Variants in PTPRM observed in about 807,000 individuals in gnomAD.
PTPRM encodes the protein protein tyrosine phosphatase receptor type M, also known as receptor-type tyrosine-protein phosphatase mu.
Under a neutral mutation model 186.7 loss-of-function variants are expected in PTPRM, and 47 were observed. That is an observed-to-expected ratio of 0.25 (90% CI 0.20 to 0.32). PTPRM has a LOEUF of 0.32. Among genes scored for constraint, PTPRM ranks in the 10% least tolerant of loss-of-function variants. The probability of loss-of-function intolerance (pLI) is 1.00; values close to 1 mark genes in which losing one functional copy is unlikely to be tolerated. For synonymous variants in PTPRM, 668 were observed against 674.9 expected (o/e 0.99, Z 0.16); for missense variants, 1,494 against 1,865.0 (o/e 0.80, Z 3.66).
At chr18:7,998,145 A>G (rs2083652325) in intron 7 of PTPRM, among the ~76,000 whole-genome samples, 1 of 152,202 alleles carries the variant, frequency 6.6e-6, no homozygotes, top group African/African-American at 2.4e-5. Context: ...GTGTCCATCA[A>G]TGGATGAATG....
intron 14 of PTPRM, among the ~76,000 whole-genome samples, chr18:8,231,713 C>T (rs2094288946): frequency 2.0e-5 from 3 of 152,144 alleles, no homozygotes; most frequent in South Asian, 2.1e-4. Flanking sequence ...TTCTACTTTA[C>T]AGTTTTTGAG....
intron 22 of PTPRM, among the ~76,000 whole-genome samples, chr18:8,330,188 A>G (rs971060768): frequency 1.3e-5 from 2 of 152,092 alleles, no homozygotes; most frequent in Admixed American, 6.6e-5. Context: ...CCCTAGAACC[A>G]CTTTTCCAGA....
At chr18:8,264,403 C>T (rs1164896284) in intron 19 of PTPRM, among the ~76,000 whole-genome samples, 1 of 152,028 alleles carries the variant, frequency 6.6e-6, no homozygotes, top group Non-Finnish European at 1.5e-5. Flanking sequence ...ATAAGTCTTG[C>T]TTGGCTGCTA....
chr18:8,054,011 G>C (rs1253618777), intron 7 of PTPRM, among the ~76,000 whole-genome samples: 1 of 151,918 alleles, frequency 6.6e-6, no homozygotes, highest in African/African-American at 2.4e-5. Context: ...TGCTATTTTT[G>C]TATAACTTGT....
intron 14 of PTPRM, among the ~76,000 whole-genome samples, chr18:8,195,345 A>G (rs2146761956): frequency 6.6e-6 from 1 of 152,092 alleles, no homozygotes; most frequent in Middle Eastern, 3.4e-3. Context: ...AACTGTTAGG[A>G]TGGATGTGTG....
At chr18:7,579,522 G>A (rs1391046310) in intron 1 of PTPRM, among the ~76,000 whole-genome samples, 4 of 152,208 alleles carry the variant, frequency 2.6e-5, no homozygotes, top group Non-Finnish European at 5.9e-5. Flanking sequence ...AGGCTTTTCA[G>A]CATTAGAAGA....
intron 1 of PTPRM, among the ~76,000 whole-genome samples, chr18:7,636,629 G>A (rs1462098888): frequency 6.6e-6 from 1 of 152,148 alleles, no homozygotes; most frequent in Non-Finnish European, 1.5e-5. Context: ...ATGGCTGTCA[G>A]TACAGGACAG....
At chr18:8,244,877 A>G (rs12965296) in intron 15 of PTPRM, among the ~76,000 whole-genome samples, 62,538 of 151,884 alleles carry the variant, frequency 0.41, 13,370 homozygotes, top group Middle Eastern at 0.54. Context: ...GAGATACCTC[A>G]CTCTGTGGTT....
At chr18:8,361,278 G>C (rs1180709752) in intron 23 of PTPRM, among the ~76,000 whole-genome samples, 1 of 152,162 alleles carries the variant, frequency 6.6e-6, no homozygotes, top group Non-Finnish European at 1.5e-5. Context: ...ATTAAAGCTT[G>C]TTATCTTCCT....
chr18:8,380,527 A>G, intron 29 of PTPRM, 100 bp downstream of exon 29: 2 of 1,395,316 alleles, frequency 1.4e-6, no homozygotes, highest in South Asian at 1.3e-5. Context: ...CCCTAGTGCC[A>G]GATCTCAAGT....
rs2044420029 is a variant in PTPRM, at chr18:7,809,868, CAGA to C, written c.196+35601_196+35603del. 4.6e-5 allele frequency among the ~76,000 whole-genome samples: 7 copies of C among 152,160 alleles called. No individual in the cohort carries two copies. The South Asian group carries it at 1.2e-3, about 27-fold the overall frequency. ...TGAGAGGATTAAAAAGGGTTGGGAA[CAGA>C]AGACACAAGTGCCTTAAGGGATAGG... is the stretch of plus-strand genomic sequence containing the variant. On this transcript the variant is annotated intron_variant, in intron 2 of 32. Coordinates refer to ENST00000580170, the MANE Select transcript of PTPRM (RefSeq NM_001105244.2).
At position 8,044,080 on chromosome 18, in the gene PTPRM, G is replaced by A. The variant is rs537491865; in HGVS notation, c.1133-25606G>A. Among the ~76,000 whole-genome samples the A allele has an allele frequency of 6.6e-5, 10 of 152,238 alleles. No homozygotes were observed. In the South Asian group the frequency reaches 1.5e-3, roughly 22 times the overall value. On this transcript the variant is annotated intron_variant, in intron 7 of 32. Transcript: ENST00000580170. The stretch of plus-strand genomic sequence containing the variant: ...TTTTCTCAGGCAGGCACTCTCAGAG[G>A]GGCTAGGATCATCCTACAGATGAAG...
At chr18:8,089,880 A>T (rs2090621131) in intron 11 of PTPRM, among the ~76,000 whole-genome samples, 1 of 152,194 alleles carries the variant, frequency 6.6e-6, no homozygotes, top group Non-Finnish European at 1.5e-5. Context: ...GTGAAGTCAG[A>T]TTAGGGAAGA....
At chr18:7,929,407 A>G (rs2051352127) in intron 5 of PTPRM, among the ~76,000 whole-genome samples, 2 of 151,926 alleles carry the variant, frequency 1.3e-5, no homozygotes, top group South Asian at 4.1e-4. Context: ...TCTTGTCTTC[A>G]GTGACCATTT....
intron 23 of PTPRM, among the ~76,000 whole-genome samples, chr18:8,368,039 A>C (rs1370780378): frequency 6.6e-6 from 1 of 152,056 alleles, no homozygotes; most frequent in African/African-American, 2.4e-5. Context: ...GAAATAAATG[A>C]ATTTTTAAAG....
At position 7,924,762 on chromosome 18, in the gene PTPRM, A is replaced by G. The variant is rs142619858; in HGVS notation, c.548-1806A>G. Among the ~76,000 whole-genome samples, 331 of 152,338 alleles carry G rather than the reference A, an allele frequency of 2.2e-3. 3 individuals carry two copies. The highest frequency in any genetic ancestry group is 7.6e-3 in the African/African-American group (317 of 41,592). ...CTAACCACAAGGTGAGCGAATCTAC[A>G]GAAGCTTCATGGAAGGAACAGCATT... On this transcript the variant is annotated intron_variant, in intron 4 of 32. Coordinates refer to ENST00000580170, the MANE Select transcript of PTPRM (RefSeq NM_001105244.2).
intron 7 of PTPRM, among the ~76,000 whole-genome samples, chr18:7,965,751 T>G (rs1463308733): frequency 6.6e-6 from 1 of 152,218 alleles, no homozygotes; most frequent in Non-Finnish European, 1.5e-5. Context: ...GATTTTATCT[T>G]GACCTCATAT....
intron 19 of PTPRM, among the ~76,000 whole-genome samples, chr18:8,271,272 C>A (rs1326953983): frequency 6.6e-6 from 1 of 151,606 alleles, no homozygotes; most frequent in African/African-American, 2.4e-5. Context: ...TTTGATTTCT[C>A]TTCTTTGGTA....
intron 7 of PTPRM, among the ~76,000 whole-genome samples, chr18:8,013,870 C>T (rs2084692586): frequency 6.6e-6 from 1 of 152,132 alleles, no homozygotes; most frequent in Non-Finnish European, 1.5e-5. Context: ...TAATATACTT[C>T]TTAGCATTAA....
Sources: gnomAD v4.1 joint callset for allele counts (sites outside exome capture counted in the v4.1 genomes callset) on GRCh38, gnomAD v4.1.1 for gene constraint, MANE v1.5 for transcripts, NCBI Gene and HGNC (gene_info 2026-07-23, HGNC 2026-07-21) for gene names.